The following SEC24C variants were observed in gnomAD, a reference collection of about 807,000 sequenced individuals.
SEC24C encodes SEC24 homolog C, COPII component.
In SEC24C, 22 loss-of-function variants were observed where a neutral mutation model predicts 117.0. The observed-to-expected ratio is 0.19, with a 90% confidence interval of 0.13 to 0.27. The LOEUF (loss-of-function observed/expected upper bound fraction) is 0.27, where lower values mean the gene tolerates loss of function less well. Ranked by LOEUF, SEC24C falls within the 10% of genes least tolerant of loss-of-function variation. The probability of loss-of-function intolerance (pLI) is 1.00; values close to 1 mark genes in which losing one functional copy is unlikely to be tolerated. For missense variants in SEC24C, 1,155 were observed against 1,375.1 expected (o/e 0.84, Z 2.53); for synonymous variants, 506 against 529.4 (o/e 0.96, Z 0.61).
intron 14 of SEC24C, 27 bp downstream of exon 14, chr10:73,767,197 G>A: frequency 6.7e-7 from 1 of 1,492,878 alleles, no homozygotes; most frequent in South Asian, 1.1e-5. Context: ...TGGGGGAGGG[G>A]AAGGATTTTT....
chr10:73,751,509 A>G (rs2082642174), intron 3 of SEC24C, among the ~76,000 whole-genome samples: 1 of 152,202 alleles, frequency 6.6e-6, no homozygotes, highest in Non-Finnish European at 1.5e-5. Flanking sequence ...AGATCGTGCC[A>G]TTGCACTCCA....
At chr10:73,763,257 A>C (rs572756765) in intron 6 of SEC24C, among the ~76,000 whole-genome samples, 36 of 152,278 alleles carry the variant, frequency 2.4e-4, no homozygotes, top group African/African-American at 8.2e-4. Context: ...GCCCATTCTC[A>C]TGTTGCCTGC....
In SEC24C at chr10:73,760,702, C is replaced by T. The variant is rs2082784275; in HGVS notation, c.851-11C>T. 17 of 1,581,148 alleles carry T rather than the reference C, an allele frequency of 1.1e-5. No homozygotes were observed. The highest frequency in any genetic ancestry group is 1.9e-5 in the Admixed American group (1 of 51,954). On this transcript the variant is annotated splice_polypyrimidine_tract_variant and intron_variant, in intron 5 of 22. Coordinates refer to ENST00000345254, the MANE Select transcript of SEC24C (RefSeq NM_198597.3). ...GATTTTGAGTTCATCAACCTTGTGT[C>T]CTTGTCTCAGGTTCCTTCGGACCAG... is the stretch of plus-strand genomic sequence containing the variant.
intron 1 of SEC24C, among the ~76,000 whole-genome samples, 165 bp downstream of exon 1, chr10:73,744,602 A>C (rs1385139220): frequency 2.0e-5 from 3 of 152,078 alleles, no homozygotes; most frequent in Admixed American, 2.0e-4. Flanking sequence ...CAGGTCCTAG[A>C]CCATCCCTTC....
At chr10:73,764,194 G>A (rs2082844108) in intron 8 of SEC24C, among the ~76,000 whole-genome samples, 1 of 152,238 alleles carries the variant, frequency 6.6e-6, no homozygotes, top group Middle Eastern at 3.4e-3. Flanking sequence ...TTGCTGAGAA[G>A]GAACAGAGTC....
At chr10:73,750,187 C>G (rs2082623872) in intron 2 of SEC24C, among the ~76,000 whole-genome samples, 1 of 152,184 alleles carries the variant, frequency 6.6e-6, no homozygotes, top group Non-Finnish European at 1.5e-5. Flanking sequence ...CATGAGAAAG[C>G]TTTGTTAGAG....
chr10:73,763,124 G>T (rs1401239412), intron 6 of SEC24C, among the ~76,000 whole-genome samples: 2 of 152,270 alleles, frequency 1.3e-5, no homozygotes, highest in East Asian at 1.9e-4. Context: ...AGGCATGATG[G>T]GGGAGGGGAA....
chr10:73,771,113 C>T lies in SEC24C; in HGVS notation c.*18C>T. 1 of 1,611,452 alleles carries T rather than the reference C, an allele frequency of 6.2e-7. No individual in the cohort carries two copies. The highest frequency in any genetic ancestry group is 1.1e-5 in the South Asian group (1 of 90,662). ...TGAGCTAAAGCAAGTGGGTAAATGGCATAGGGCCCAGGCTAGCTTCCAGAA... is the reference window on the plus strand; with the variant it reads ...TGAGCTAAAGCAAGTGGGTAAATGGTATAGGGCCCAGGCTAGCTTCCAGAA... On this transcript the variant is annotated 3_prime_UTR_variant, in exon 23 of 23. Transcript: ENST00000345254.
rs758903013 is a variant in SEC24C at position 73,771,048 on chromosome 10, G to A, written c.3238G>A (p.Asp1080Asn). Residue 1080 changes from aspartate to asparagine, a missense_variant, in exon 23 of 23, where the codon GAC becomes AAC. By Grantham distance (23) the Asp-to-Asn change is conservative (BLOSUM62 1). Around this residue, in one of 2 missense-constraint regions of SEC24C, gnomAD observed 759 missense variants for 992.3 expected, o/e 0.76. Transcript: ENST00000345254. ...KSLSGGASYV[D>N]FLCHMHKEIR... Reference sequence around the variant, plus strand: ...TCTGAGTGGGGGAGCATCTTATGTGGACTTTCTCTGTCATATGCACAAGGA... The same window carrying A: ...TCTGAGTGGGGGAGCATCTTATGTGAACTTTCTCTGTCATATGCACAAGGA... 1 of 1,614,214 alleles carries A rather than the reference G, an allele frequency of 6.2e-7. No individual in the cohort carries two copies. Among genetic ancestry groups the A allele is most frequent in the South Asian group, 1.1e-5 (1 of 91,090 alleles).
rs983958010 is a variant in SEC24C, at chr10:73,771,906, G to A, written c.*811G>A. 6.0e-6 allele frequency: 1 copy of A among 165,484 alleles called. No individual in the cohort carries two copies. The highest frequency in any genetic ancestry group is 6.4e-5 in the Admixed American group (1 of 15,616). The allele number at this position is 165,484 out of a possible 1,614,324, so 10.3% of individuals were successfully genotyped here. ...CTTCTCCAGGCCCGGGGTTGTTGGG[G>A]AGAGAGGCAGAGGCAGCTGGAGCGC... On this transcript the variant is annotated 3_prime_UTR_variant, in exon 23 of 23. Transcript: ENST00000345254.
rs752307629 is a variant in SEC24C at position 73,760,051 on chromosome 10, G to C, written c.515G>C (p.Ser172Thr). The change falls in exon 5 of 23, where the codon AGT becomes ACT. Residue 172 changes from serine to threonine, a missense_variant. Physicochemically the swap from Ser to Thr is moderately conservative, Grantham distance 58. Around this residue, in one of 2 missense-constraint regions of SEC24C, gnomAD observed 396 missense variants for 382.8 expected, o/e 1.03. Coordinates refer to ENST00000345254, the MANE Select transcript of SEC24C (RefSeq NM_198597.3). The stretch of plus-strand genomic sequence containing the variant: ...ACATCGCTGGCTTCAGCCTCAGGAA[G>C]TTTCCCTAACTCTGGTCTGTATGGC... ...PPTSLASASG[S>T]FPNSGLYGSY... The C allele has an allele frequency of 2.9e-5, 46 of 1,593,634 alleles. No individual in the cohort carries two copies. Among genetic ancestry groups the C allele is most frequent in the Non-Finnish European group, 3.8e-5 (44 of 1,167,272 alleles).
At chr10:73,752,307 G>A (rs1188568891) in intron 3 of SEC24C, among the ~76,000 whole-genome samples, 1 of 152,056 alleles carries the variant, frequency 6.6e-6, no homozygotes, top group Admixed American at 6.6e-5. Context: ...ATTTTTAGTA[G>A]AGATGGGGTT....
chr10:73,758,903 A>G (rs1292774122), intron 3 of SEC24C, among the ~76,000 whole-genome samples: 1 of 151,998 alleles, frequency 6.6e-6, no homozygotes, highest in East Asian at 1.9e-4. Context: ...TGCTGATGGG[A>G]ATAATCAGAG....
At chr10:73,766,653 G>C in intron 12 of SEC24C, 107 bp from the exon 13 acceptor site, 1 of 1,434,368 alleles carries the variant, frequency 7.0e-7, no homozygotes, top group Non-Finnish European at 9.7e-7. Context: ...TTGTGGCCCA[G>C]GAGTTGTCAG....
chr10:73,750,042 G>T (rs1201068612), intron 2 of SEC24C, among the ~76,000 whole-genome samples: 1 of 152,204 alleles, frequency 6.6e-6, no homozygotes, highest in Non-Finnish European at 1.5e-5. Flanking sequence ...GAAGTATGAT[G>T]ATTTTAACTG....
In SEC24C at chr10:73,765,442, G is replaced by A. The variant is rs1475536351; in HGVS notation, c.1228-9G>A. Reference sequence around the variant, plus strand: ...CTTTATGTCTGATCCCTTCCCCTTTGCGCCTTAGGCTTCACCGTATGTTGT... The same window carrying A: ...CTTTATGTCTGATCCCTTCCCCTTTACGCCTTAGGCTTCACCGTATGTTGT... On this transcript the variant is annotated splice_polypyrimidine_tract_variant and intron_variant, in intron 8 of 22. Coordinates refer to ENST00000345254, the MANE Select transcript of SEC24C (RefSeq NM_198597.3). The A allele has an allele frequency of 1.4e-5, 23 of 1,606,892 alleles. No homozygotes were observed. The highest frequency in any genetic ancestry group is 1.8e-5 in the Non-Finnish European group (21 of 1,174,000).
intron 3 of SEC24C, 58 bp from the exon 4 acceptor site, chr10:73,759,564 T>C (rs10740418): frequency 0.69 from 923,797 of 1,347,904 alleles, 325,266 homozygotes; most frequent in Middle Eastern, 0.85. Flanking sequence ...GACACTTCTG[T>C]AGACTTCAAA....
chr10:73,763,643 A>C lies in SEC24C; in HGVS notation c.1099+42A>C, dbSNP rs759797455. On this transcript the variant is annotated intron_variant, in intron 7 of 22. Coordinates refer to ENST00000345254, the MANE Select transcript of SEC24C (RefSeq NM_198597.3). ...CTCCTCCCACAGGGGCTTTTTCTTC[A>C]AGATTATCAGCTTATGGTTGGGGCT... 3 of 852,980 alleles carry C rather than the reference A, an allele frequency of 3.5e-6. No homozygotes were observed. The Admixed American group carries it at 7.4e-5, about 21-fold the overall frequency. 52.8% of individuals were successfully genotyped at this position (852,980 alleles called of 1,614,324 possible).
Position 73,769,999 on chromosome 10 carries a change from C to G in SEC24C, c.2846C>G (p.Pro949Arg). 1 of 1,614,122 alleles carries G rather than the reference C, an allele frequency of 6.2e-7. No individual in the cohort carries two copies. The highest frequency in any genetic ancestry group is 8.5e-7 in the Non-Finnish European group (1 of 1,180,010). Residue 949 changes from proline to arginine, a missense_variant, in exon 20 of 23, where the codon CCT becomes CGT. Pro to Arg is a moderately radical substitution (Grantham distance 103, BLOSUM62 -2). Transcript: ENST00000345254. The surrounding 1 kb of genome is among the most constrained non-coding windows in gnomAD (Gnocchi z 4.5). Reference sequence around the variant, plus strand: ...ACTGAGACCAATGTCTTCTTCTACCCTCGGCTCTTACCTTTGGTGCGATTG... The same window carrying G: ...ACTGAGACCAATGTCTTCTTCTACCGTCGGCTCTTACCTTTGGTGCGATTG... Reference protein sequence around the residue: ...DVTETNVFFYPRLLPLTKSPV... With the variant: ...DVTETNVFFYRRLLPLTKSPV...
Sources: allele counts gnomAD v4.1 joint callset (sites outside exome capture counted in the v4.1 genomes callset), GRCh38; gene constraint gnomAD v4.1.1; regional missense constraint gnomAD v4.1.1; non-coding constraint Gnocchi (gnomAD v3.1); transcripts MANE v1.5; gene names NCBI Gene and HGNC (gene_info 2026-07-23, HGNC 2026-07-21).